DTNB: variants seen among roughly 807,000 people sequenced by gnomAD.
DTNB encodes the protein DTN-B.
In DTNB, 63 loss-of-function variants were observed where a neutral mutation model predicts 90.7. That is an observed-to-expected ratio of 0.69 (90% confidence interval 0.57 to 0.86). DTNB has a LOEUF of 0.86. Among genes scored for constraint, DTNB ranks in the 40% least tolerant of loss-of-function variants. The probability of loss-of-function intolerance (pLI) is 0.00; values close to 1 mark genes in which losing one functional copy is unlikely to be tolerated. For missense variants in DTNB, 744 were observed against 807.1 expected, an observed-to-expected ratio of 0.92 and a Z score of 0.95; for synonymous variants, 277 against 286.7, an observed-to-expected ratio of 0.97 and a Z score of 0.34.
intron 3 of DTNB, among the ~76,000 whole-genome samples, chr2:25,629,968 A>G (rs2075309127): frequency 6.6e-6 from 1 of 152,202 alleles, no homozygotes; most frequent in Non-Finnish European, 1.5e-5. Flanking sequence ...GAATGGAAAA[A>G]AATATTTGTA....
intron 9 of DTNB, among the ~76,000 whole-genome samples, chr2:25,518,721 A>G (rs1261570296): frequency 1.3e-5 from 2 of 152,184 alleles, no homozygotes; most frequent in African/African-American, 4.8e-5. Context: ...TTGGAGAGGT[A>G]TAATTCCAGG....
intron 16 of DTNB, among the ~76,000 whole-genome samples, chr2:25,388,805 CGTGTGT>C (rs112323714): frequency 2.7e-4 from 40 of 149,258 alleles, no homozygotes; most frequent in African/African-American, 7.9e-4. Context: ...AAAGGACATA[CGTGTGT>C]GTGTGTGTGT....
chr2:25,487,060 T>G (rs985133633), intron 9 of DTNB, among the ~76,000 whole-genome samples: 14 of 152,310 alleles, frequency 9.2e-5, no homozygotes, highest in African/African-American at 3.4e-4. Context: ...GTAGAGGTAG[T>G]TTTTAAAGAC....
intron 8 of DTNB, among the ~76,000 whole-genome samples, chr2:25,559,879 C>G (rs113474200): frequency 0.076 from 11,523 of 152,240 alleles, 623 homozygotes; most frequent in Non-Finnish European, 0.12. Flanking sequence ...TGAAGTGACA[C>G]AGCCACAAAG....
intron 8 of DTNB, among the ~76,000 whole-genome samples, chr2:25,543,934 G>A (rs2081904175): frequency 6.6e-6 from 1 of 152,190 alleles, no homozygotes; most frequent in Non-Finnish European, 1.5e-5. Context: ...TATAGGCACA[G>A]AAATTAACAC....
intron 4 of DTNB, among the ~76,000 whole-genome samples, chr2:25,622,023 T>C (rs1020001057): frequency 1.2e-4 from 19 of 152,240 alleles, no homozygotes; most frequent in African/African-American, 4.1e-4. Flanking sequence ...TTTCATTAGA[T>C]ACATCATTTT....
intron 8 of DTNB, among the ~76,000 whole-genome samples, chr2:25,548,957 C>T (rs745761945): frequency 9.2e-5 from 14 of 152,210 alleles, no homozygotes; most frequent in Non-Finnish European, 1.6e-4. Context: ...CAGGCTTGTG[C>T]TGACACCAAT....
At chr2:25,459,885 A>C (rs964473635) in intron 10 of DTNB, among the ~76,000 whole-genome samples, 1 of 152,094 alleles carries the variant, frequency 6.6e-6, no homozygotes, top group African/African-American at 2.4e-5. Flanking sequence ...AGGTGGGAGG[A>C]TCACTTGAGC....
intron 4 of DTNB, among the ~76,000 whole-genome samples, chr2:25,614,093 C>T (rs548562417): frequency 2.6e-5 from 4 of 152,158 alleles, no homozygotes; most frequent in South Asian, 2.1e-4. Context: ...AAAGGCGATA[C>T]GACCATTTGA....
chr2:25,622,021 G>A (rs988196921), intron 4 of DTNB, among the ~76,000 whole-genome samples: 2 of 151,712 alleles, frequency 1.3e-5, no homozygotes, highest in Non-Finnish European at 2.9e-5. Flanking sequence ...AGTTTCATTA[G>A]ATACATCATT....
intron 16 of DTNB, among the ~76,000 whole-genome samples, chr2:25,414,519 G>A (rs2047405554): frequency 6.6e-6 from 1 of 152,224 alleles, no homozygotes; most frequent in Admixed American, 6.5e-5. Context: ...CTCCCAAAGT[G>A]CTGGGATTAC....
intron 8 of DTNB, among the ~76,000 whole-genome samples, chr2:25,537,395 T>C (rs1490776128): frequency 5.3e-5 from 8 of 152,130 alleles, no homozygotes; most frequent in East Asian, 3.9e-4. Context: ...CTAAAAATAA[T>C]AGCCATGAAA....
intron 3 of DTNB, among the ~76,000 whole-genome samples, chr2:25,632,391 T>C (rs1350060529): frequency 6.6e-6 from 1 of 152,148 alleles, no homozygotes; most frequent in Non-Finnish European, 1.5e-5. Context: ...GAAACTTTCT[T>C]AATCTGATTA....
chr2:25,608,832 G>C (rs1338907965), intron 4 of DTNB, among the ~76,000 whole-genome samples: 1 of 152,128 alleles, frequency 6.6e-6, no homozygotes, highest in Non-Finnish European at 1.5e-5. Context: ...CTAGGATAGG[G>C]GCACATAACA....
intron 8 of DTNB, among the ~76,000 whole-genome samples, chr2:25,553,382 A>G (rs2056711834): frequency 6.6e-6 from 1 of 152,168 alleles, no homozygotes; most frequent in African/African-American, 2.4e-5. Flanking sequence ...AGAGAAATAT[A>G]ATCCATGTAA....
chr2:25,564,110 C>A (rs1045601923), intron 8 of DTNB, among the ~76,000 whole-genome samples: 16 of 152,156 alleles, frequency 1.1e-4, no homozygotes, highest in African/African-American at 3.4e-4. Context: ...ACCGTGTTAG[C>A]CAGGATGGTC....
At chr2:25,474,564 T>C (rs6740340) in intron 10 of DTNB, among the ~76,000 whole-genome samples, 65,487 of 151,932 alleles carry the variant, frequency 0.43, 15,023 homozygotes, top group Non-Finnish European at 0.52. Context: ...AACAAAAACA[T>C]AGTGATTTTT....
intron 11 of DTNB, among the ~76,000 whole-genome samples, chr2:25,452,028 G>C (rs894580268): frequency 6.6e-6 from 1 of 152,190 alleles, no homozygotes; most frequent in Non-Finnish European, 1.5e-5. Context: ...GAAAAACAGA[G>C]GGCTGAGAAA....
rs201200458 is a variant in DTNB, at chr2:25,520,072, G to GA, written c.1001+11400dup. On this transcript the variant is annotated intron_variant, in intron 9 of 20. Coordinates refer to ENST00000406818, the MANE Select transcript of DTNB (RefSeq NM_021907.5). The stretch of plus-strand genomic sequence containing the variant: ...TAAAACCAATTAATAACTCTCTTCA[G>GA]AAAAAAAAAATTGGCTTATTAAAGT... 8.1e-3 allele frequency among the ~76,000 whole-genome samples: 1,217 copies of GA among 150,016 alleles called. 12 individuals carry two copies. Among genetic ancestry groups the GA allele is most frequent in the African/African-American group, 0.023 (937 of 40,976 alleles).
Sources: gnomAD v4.1 joint callset for allele counts (sites outside exome capture counted in the v4.1 genomes callset) on GRCh38, gnomAD v4.1.1 for gene constraint, MANE v1.5 for transcripts, NCBI Gene and HGNC (gene_info 2026-07-23, HGNC 2026-07-21) for gene names.